Variants in IMMP2L observed in about 807,000 individuals in gnomAD.
The protein encoded by IMMP2L is inner mitochondrial membrane peptidase subunit 2.
IMMP2L carries 18 observed loss-of-function variants against 19.3 expected under a neutral mutation model. The ratio of observed to expected loss-of-function variants is 0.93; its 90% CI spans 0.64 to 1.38. The LOEUF (loss-of-function observed/expected upper bound fraction) is 1.38, where lower values mean the gene tolerates loss of function less well. IMMP2L is among the 40% of genes most tolerant of loss of function. The pLI is 0.00. For missense variants in IMMP2L, 233 were observed against 218.2 expected (o/e 1.07, Z -0.43); for synonymous variants, 76 against 73.0 (o/e 1.04, Z -0.21).
At chr7:111,377,990 C>T (rs186699746) in intron 3 of IMMP2L, among the ~76,000 whole-genome samples, 112 of 151,222 alleles carry the variant, frequency 7.4e-4, no homozygotes, top group African/African-American at 2.1e-3. Flanking sequence ...AAGGGGAATA[C>T]GGAGAATCCA....
At chr7:111,120,714 T>C (rs1279828548) in intron 3 of IMMP2L, among the ~76,000 whole-genome samples, 1 of 152,232 alleles carries the variant, frequency 6.6e-6, no homozygotes, top group Non-Finnish European at 1.5e-5. Context: ...CTTCTCTGAA[T>C]ACTGCAAAAC....
chr7:110,662,865 A>C lies in IMMP2L; in HGVS notation c.*737T>G, dbSNP rs1242382201. Among the ~76,000 whole-genome samples the C allele has an allele frequency of 2.0e-5, 3 of 152,234 alleles. No individual in the cohort carries two copies. The highest frequency in any genetic ancestry group is 2.9e-5 in the Non-Finnish European group (2 of 68,038). ...ATGCGGATAAAGGGGTTTACCCATC[A>C]TTGTGAATAGGCATGAGATCACTCA... On this transcript the variant is annotated 3_prime_UTR_variant, in exon 6 of 6. Coordinates refer to ENST00000405709, the MANE Select transcript of IMMP2L (RefSeq NM_032549.4).
intron 3 of IMMP2L, among the ~76,000 whole-genome samples, chr7:111,298,936 G>C (rs942846606): frequency 6.6e-6 from 1 of 152,052 alleles, no homozygotes; most frequent in African/African-American, 2.4e-5. Context: ...GGTTAATATT[G>C]ATCAGTAATG....
At chr7:111,014,650 G>T (rs1441048335) in intron 3 of IMMP2L, among the ~76,000 whole-genome samples, 1 of 151,842 alleles carries the variant, frequency 6.6e-6, no homozygotes, top group Non-Finnish European at 1.5e-5. Flanking sequence ...GTAATCTATG[G>T]AATGGGAAAA....
chr7:110,968,901 T>C (rs1195320793), intron 3 of IMMP2L, among the ~76,000 whole-genome samples: 1 of 152,082 alleles, frequency 6.6e-6, no homozygotes, highest in African/African-American at 2.4e-5. Flanking sequence ...AATAAATTCA[T>C]AAAGGAGATC....
intron 3 of IMMP2L, among the ~76,000 whole-genome samples, chr7:111,200,647 T>C (rs1248400731): frequency 1.3e-5 from 2 of 152,198 alleles, no homozygotes. Context: ...TACACTGTTA[T>C]ATGGCTGTAA....
intron 2 of IMMP2L, among the ~76,000 whole-genome samples, chr7:111,499,548 AT>A (rs1456022119): frequency 6.6e-6 from 1 of 152,116 alleles, no homozygotes; most frequent in South Asian, 2.1e-4. Flanking sequence ...GAAAAGATAA[AT>A]TATCTGTTCC....
chr7:111,075,805 C>G (rs1472540866), intron 3 of IMMP2L, among the ~76,000 whole-genome samples: 1 of 152,198 alleles, frequency 6.6e-6, no homozygotes, highest in East Asian at 1.9e-4. Context: ...TCCGATCTCT[C>G]CTCTGAGCTC....
chr7:111,382,371 T>G (rs1831282706), intron 3 of IMMP2L, among the ~76,000 whole-genome samples: 1 of 151,038 alleles, frequency 6.6e-6, no homozygotes, highest in Non-Finnish European at 1.5e-5. Flanking sequence ...AATCAAAAAG[T>G]ATTTGGCAAG....
chr7:110,996,286 A>T (rs1823017298), intron 3 of IMMP2L, among the ~76,000 whole-genome samples: 1 of 152,176 alleles, frequency 6.6e-6, no homozygotes, highest in Non-Finnish European at 1.5e-5. Context: ...AGAGTGCTGT[A>T]GGCAAATGGG....
chr7:111,311,392 G>C (rs1823499445), intron 3 of IMMP2L, among the ~76,000 whole-genome samples: 1 of 152,110 alleles, frequency 6.6e-6, no homozygotes, highest in South Asian at 2.1e-4. Flanking sequence ...ACTTTGACAA[G>C]AACAATGGTC....
At chr7:111,306,548 G>T (rs898758796) in intron 3 of IMMP2L, among the ~76,000 whole-genome samples, 3 of 151,508 alleles carry the variant, frequency 2.0e-5, no homozygotes, top group Middle Eastern at 3.4e-3. Flanking sequence ...CAAATTTTCA[G>T]AAATATTTAA....
intron 3 of IMMP2L, among the ~76,000 whole-genome samples, chr7:111,301,986 C>G (rs896927467): frequency 1.4e-5 from 2 of 141,438 alleles, no homozygotes; most frequent in Non-Finnish European, 3.1e-5. Context: ...AGAATGATAT[C>G]CTGACTCCTT....
intron 1 of IMMP2L, among the ~76,000 whole-genome samples, chr7:111,540,848 G>A (rs1185337017): frequency 6.6e-6 from 1 of 152,122 alleles, no homozygotes. Flanking sequence ...GGTTGTGTCA[G>A]ACGACATTCC....
At chr7:110,890,218 T>C (rs992896392) in intron 4 of IMMP2L, among the ~76,000 whole-genome samples, 5 of 152,158 alleles carry the variant, frequency 3.3e-5, no homozygotes, top group African/African-American at 1.2e-4. Context: ...AAAACTTACA[T>C]GTAAAAACAC....
At chr7:111,544,932 G>A (rs968360919) in intron 1 of IMMP2L, among the ~76,000 whole-genome samples, 1 of 151,792 alleles carries the variant, frequency 6.6e-6, no homozygotes, top group Admixed American at 6.6e-5. Context: ...GTGAGACAAA[G>A]TAGAAAAAAG....
At chr7:110,666,522 C>A (rs372280161) in intron 5 of IMMP2L, among the ~76,000 whole-genome samples, 1 of 152,086 alleles carries the variant, frequency 6.6e-6, no homozygotes, top group East Asian at 1.9e-4. Flanking sequence ...GATCCACCAG[C>A]CTCAGCCTCC....
At chr7:110,953,864 G>A (rs1044937897) in intron 4 of IMMP2L, among the ~76,000 whole-genome samples, 2 of 152,148 alleles carry the variant, frequency 1.3e-5, no homozygotes, top group Non-Finnish European at 2.9e-5. Context: ...GCCATTCTAA[G>A]TGACGTGAGA....
chr7:111,448,011 T>G (rs1475963869), intron 3 of IMMP2L, among the ~76,000 whole-genome samples: 1 of 143,290 alleles, frequency 7.0e-6, no homozygotes, highest in Non-Finnish European at 1.5e-5. Flanking sequence ...GAGCTAACTA[T>G]CCTAAATATA....
Sources: gnomAD v4.1 joint callset for allele counts (sites outside exome capture counted in the v4.1 genomes callset) on GRCh38, gnomAD v4.1.1 for gene constraint, MANE v1.5 for transcripts, NCBI Gene and HGNC (gene_info 2026-07-23, HGNC 2026-07-21) for gene names.